The following TNFSF13B variants were observed in gnomAD, a reference collection of about 807,000 sequenced individuals.
TNFSF13B encodes the protein TNF superfamily member 13b.
TNFSF13B carries 8 observed loss-of-function variants against 29.1 expected under a neutral mutation model. That is an observed-to-expected ratio of 0.27 (90% confidence interval 0.16 to 0.50). The LOEUF (loss-of-function observed/expected upper bound fraction) is 0.50. Ranked by LOEUF, TNFSF13B falls within the 20% of genes least tolerant of loss-of-function variation. The pLI is 0.98. For missense variants in TNFSF13B, 248 were observed against 334.9 expected, an observed-to-expected ratio of 0.74 and a Z score of 2.03; for synonymous variants, 125 against 130.8, an observed-to-expected ratio of 0.96 and a Z score of 0.30.
At chr13:108,285,485 A>G (rs11069727) in intron 2 of TNFSF13B, among the ~76,000 whole-genome samples, 32,475 of 152,184 alleles carry the variant, frequency 0.21, 4,175 homozygotes, top group East Asian at 0.44. Context: ...CTAGGCTACC[A>G]ACTTGTACAG....
rs189497807 is a variant in TNFSF13B, at chr13:108,287,579, T to G, written c.481+720T>G. 2.6e-5 allele frequency among the ~76,000 whole-genome samples: 4 copies of G among 152,318 alleles called. No individual in the cohort carries two copies. In the East Asian group the frequency reaches 7.7e-4, roughly 29 times the overall value. ...CCAATAATAAATCAAATTCCATTTTTATTATTTAGACAGCATTTTATCTTT... is the reference window on the plus strand; with the variant it reads ...CCAATAATAAATCAAATTCCATTTTGATTATTTAGACAGCATTTTATCTTT... On this transcript the variant is annotated intron_variant, in intron 3 of 5. Coordinates refer to ENST00000375887, the MANE Select transcript of TNFSF13B (RefSeq NM_006573.5).
chr13:108,304,083 T>A (rs1264673647), intron 5 of TNFSF13B, among the ~76,000 whole-genome samples: 1 of 152,226 alleles, frequency 6.6e-6, no homozygotes, highest in Admixed American at 6.5e-5. Context: ...AGAAGTAACA[T>A]AACTTGTCCC....
At chr13:108,291,299 C>T (rs550552868) in intron 3 of TNFSF13B, among the ~76,000 whole-genome samples, 1 of 151,566 alleles carries the variant, frequency 6.6e-6, no homozygotes, top group East Asian at 1.9e-4. Flanking sequence ...TTTGTTGAAT[C>T]TCATATTTAT....
rs777615713 is a variant in TNFSF13B, at chr13:108,270,400, G to A, written c.400G>A (p.Ala134Thr). 6.8e-6 allele frequency: 11 copies of A among 1,613,968 alleles called. No individual in the cohort carries two copies. Among genetic ancestry groups the A allele is most frequent in the East Asian group, 6.7e-5 (3 of 44,892 alleles). The change falls in exon 2 of 6, where the codon GCC becomes ACC. Residue 134 changes from alanine (A) to threonine (T), a missense_variant. Coordinates refer to ENST00000375887, the MANE Select transcript of TNFSF13B (RefSeq NM_006573.5). ...CAGTCAGAACAGCAGAAATAAGCGT[G>A]CCGTTCAGGGTCCAGAAGAAACAGG... Reference protein sequence around the residue: ...NSSQNSRNKRAVQGPEETVTQ... With the variant: ...NSSQNSRNKRTVQGPEETVTQ...
intron 2 of TNFSF13B, among the ~76,000 whole-genome samples, chr13:108,279,507 C>T (rs1432113350): frequency 6.6e-6 from 1 of 152,166 alleles, no homozygotes; most frequent in Non-Finnish European, 1.5e-5. Flanking sequence ...AAGATGACCT[C>T]TCATTCTGAG....
chr13:108,269,909 C>T lies in TNFSF13B; in HGVS notation c.14C>T (p.Thr5Ile). The T allele has an allele frequency of 6.2e-7, 1 of 1,608,952 alleles. No homozygotes were observed. Among genetic ancestry groups the T allele is most frequent in the Non-Finnish European group, 8.5e-7 (1 of 1,178,206 alleles). Residue 5 changes from threonine to isoleucine, a missense_variant, in exon 1 of 6, where the codon ACA becomes ATA. Coordinates refer to ENST00000375887, the MANE Select transcript of TNFSF13B (RefSeq NM_006573.5). MDDS[T>I]EREQSRLTSC... Reference sequence around the variant, plus strand: ...TCAAGTAGTGATATGGATGACTCCACAGAAAGGGAGCAGTCACGCCTTACT... The same window carrying T: ...TCAAGTAGTGATATGGATGACTCCATAGAAAGGGAGCAGTCACGCCTTACT...
intron 3 of TNFSF13B, among the ~76,000 whole-genome samples, chr13:108,295,111 G>A (rs1881428901): frequency 6.9e-6 from 1 of 145,174 alleles, no homozygotes; most frequent in Non-Finnish European, 1.5e-5. Flanking sequence ...ATTGGTCAAT[G>A]TAGCTCAATG....
In TNFSF13B at chr13:108,297,642, TTTTATTTTAAC is replaced by T. The variant is rs1305159437; in HGVS notation, c.482-5602_482-5592del. On this transcript the variant is annotated intron_variant, in intron 3 of 5. Transcript: ENST00000375887. ...AATCTGTTCACTTTTCTTTTTTCTT[TTTTATTTTAAC>T]TTTATTTTTAGAGCCATTTTAGATT... Among the ~76,000 whole-genome samples the T allele has an allele frequency of 1.4e-5, 2 of 146,096 alleles. 1 individual carries two copies. Among genetic ancestry groups the T allele is most frequent in the Non-Finnish European group, 3.0e-5 (2 of 65,670 alleles).
intron 5 of TNFSF13B, among the ~76,000 whole-genome samples, chr13:108,306,007 T>C (rs1224304565): frequency 6.6e-6 from 1 of 152,182 alleles, no homozygotes; most frequent in Non-Finnish European, 1.5e-5. Flanking sequence ...TTAGTTTCTT[T>C]ATTTCTTCTC....
At chr13:108,298,831 C>A (rs1382110809) in intron 3 of TNFSF13B, among the ~76,000 whole-genome samples, 2 of 145,024 alleles carry the variant, frequency 1.4e-5, no homozygotes, top group Non-Finnish European at 3.1e-5. Context: ...CTTAGCCCGG[C>A]GTAGTGGCAC....
chr13:108,292,136 C>G (rs371777488), intron 3 of TNFSF13B, among the ~76,000 whole-genome samples: 2 of 152,054 alleles, frequency 1.3e-5, no homozygotes, highest in African/African-American at 4.8e-5. Context: ...TACCATTTCT[C>G]TGTCTCCCCA....
chr13:108,302,744 G>T, intron 3 of TNFSF13B: 1 of 844,526 alleles, frequency 1.2e-6, no homozygotes, highest in Non-Finnish European at 1.4e-6. Flanking sequence ...AGTAAAGGTT[G>T]TGTCTTAGTC....
chr13:108,302,885 T>C, intron 3 of TNFSF13B: 1 of 987,020 alleles, frequency 1.0e-6, no homozygotes, highest in Non-Finnish European at 1.2e-6. Context: ...CAAAGGAAAA[T>C]CTCTACTAGT....
chr13:108,303,411 T>A, intron 4 of TNFSF13B, 43 bp from the exon 5 acceptor site: 1 of 1,610,092 alleles, frequency 6.2e-7, no homozygotes, highest in Non-Finnish European at 8.5e-7. Flanking sequence ...AAGCCTCCCA[T>A]TTTGTGTTCA....
rs1298148514 is a variant in TNFSF13B, at chr13:108,306,732, A to T, written c.746-94A>T. ...TTGAAGTGTGAATGCCTATGTTAAC[A>T]TTTTTTTTTTACAGAACAAAATAGT... On this transcript the variant is annotated intron_variant, in intron 5 of 5. Coordinates refer to ENST00000375887, the MANE Select transcript of TNFSF13B (RefSeq NM_006573.5). 17 of 586,512 alleles carry T rather than the reference A, an allele frequency of 2.9e-5. No homozygotes were observed. The South Asian group carries it at 3.3e-4, about 11-fold the overall frequency. 36.3% of individuals were successfully genotyped at this position (586,512 alleles called of 1,614,324 possible).
Position 108,307,701 on chromosome 13 carries a change from C to A in TNFSF13B, c.*763C>A, listed in dbSNP as rs922066908. On this transcript the variant is annotated 3_prime_UTR_variant, in exon 6 of 6. Coordinates refer to ENST00000375887, the MANE Select transcript of TNFSF13B (RefSeq NM_006573.5). ...TAATATCAGGTAATTTCAATTTATGCCTATAAAGCATTGATTGAAAAATAA... is the reference window on the plus strand; with the variant it reads ...TAATATCAGGTAATTTCAATTTATGACTATAAAGCATTGATTGAAAAATAA... 14 of 151,774 alleles carry A rather than the reference C, an allele frequency of 9.2e-5. No individual in the cohort carries two copies. The highest frequency in any genetic ancestry group is 3.1e-4 in the African/African-American group (13 of 41,348). 9.4% of individuals were successfully genotyped at this position (151,774 alleles called of 1,614,324 possible).
rs1010119960 is a variant in TNFSF13B, at chr13:108,289,553, A to G, written c.481+2694A>G. Among the ~76,000 whole-genome samples, 5 of 147,950 alleles carry G rather than the reference A, an allele frequency of 3.4e-5. No individual in the cohort carries two copies. The East Asian group carries it at 9.7e-4, about 29-fold the overall frequency. On this transcript the variant is annotated intron_variant, in intron 3 of 5. Transcript: ENST00000375887. ...ATTATTAATATTATTAGCATATTAT[A>G]TGTAATTATATATTATATAATATAT...
At chr13:108,272,127 C>T (rs1427461526) in intron 2 of TNFSF13B, among the ~76,000 whole-genome samples, 3 of 152,090 alleles carry the variant, frequency 2.0e-5, no homozygotes, top group Non-Finnish European at 4.4e-5. Context: ...AACAATATCT[C>T]ACATTTATTT....
At chr13:108,278,878 A>G (rs1169126247) in intron 2 of TNFSF13B, among the ~76,000 whole-genome samples, 1 of 152,128 alleles carries the variant, frequency 6.6e-6, no homozygotes, top group Non-Finnish European at 1.5e-5. Context: ...TTACAAAATA[A>G]GACATTTTAG....
Sources: gnomAD v4.1 joint callset for allele counts (sites outside exome capture counted in the v4.1 genomes callset) on GRCh38, gnomAD v4.1.1 for gene constraint, MANE v1.5 for transcripts, NCBI Gene and HGNC (gene_info 2026-07-23, HGNC 2026-07-21) for gene names.